The following DEPDC5 variants were observed in gnomAD, a reference collection of about 807,000 sequenced individuals.
DEPDC5 encodes the protein GATOR1 complex protein DEPDC5.
Under a neutral mutation model 217.3 loss-of-function variants are expected in DEPDC5, and 73 were observed. The ratio of observed to expected loss-of-function variants is 0.34; its 90% confidence interval spans 0.28 to 0.41. The LOEUF (loss-of-function observed/expected upper bound fraction) is 0.41, where lower values mean the gene tolerates loss of function less well. Among genes scored for constraint, DEPDC5 ranks in the 10% least tolerant of loss-of-function variants. The pLI is 1.00. For synonymous variants in DEPDC5, 733 were observed against 756.7 expected (o/e 0.97, Z 0.51); for missense variants, 1,675 against 2,070.1 (o/e 0.81, Z 3.70).
chr22:31,832,821 C>T (rs1377608237), intron 24 of DEPDC5, among the ~76,000 whole-genome samples: 1 of 152,122 alleles, frequency 6.6e-6, no homozygotes, highest in African/African-American at 2.4e-5. Context: ...GATGCAAGTC[C>T]TTTGCCAGGT....
At chr22:31,826,444 C>T in intron 24 of DEPDC5, 2 of 424,284 alleles carry the variant, frequency 4.7e-6, no homozygotes, top group Non-Finnish European at 9.4e-6. Flanking sequence ...TCTTGTGCTC[C>T]TCAAAAGAAC....
intron 4 of DEPDC5, among the ~76,000 whole-genome samples, chr22:31,761,553 C>T (rs2082388019): frequency 6.6e-6 from 1 of 151,272 alleles, no homozygotes; most frequent in African/African-American, 2.4e-5. Flanking sequence ...GTCCTAGCTA[C>T]TCTGGAGGCT....
Position 31,810,483 on chromosome 22 carries a change from T to C in DEPDC5, c.1325-38T>C, listed in dbSNP as rs1246781373. The C allele has an allele frequency of 3.1e-6, 5 of 1,612,028 alleles. No homozygotes were observed. In the South Asian group the frequency reaches 4.4e-5, roughly 14 times the overall value. The stretch of plus-strand genomic sequence containing the variant: ...TCAGCTCTCAGGCATGTGTTTGAAA[T>C]GTATTTGATGACAATTTATATTATT... On this transcript the variant is annotated intron_variant, in intron 19 of 42. Transcript: ENST00000651528.
chr22:31,895,496 A>G (rs1289838561), intron 39 of DEPDC5, among the ~76,000 whole-genome samples: 1 of 152,178 alleles, frequency 6.6e-6, no homozygotes, highest in Non-Finnish European at 1.5e-5. Flanking sequence ...AACCATCTTT[A>G]TAGTGTGCCA....
At chr22:31,780,463 G>T (rs1405158567) in intron 8 of DEPDC5, among the ~76,000 whole-genome samples, 1 of 152,146 alleles carries the variant, frequency 6.6e-6, no homozygotes, top group Non-Finnish European at 1.5e-5. Flanking sequence ...TGGAGTTCTC[G>T]TAATCACTTC....
chr22:31,819,163 C>T lies in DEPDC5; in HGVS notation c.1808C>T (p.Pro603Leu). 1 of 1,614,184 alleles carries T rather than the reference C, an allele frequency of 6.2e-7. No individual in the cohort carries two copies. The highest frequency in any genetic ancestry group is 8.5e-7 in the Non-Finnish European group (1 of 1,180,032). ...PQRALINPFA[P>L]SRMPMKLTSN... is the part of the protein sequence containing the mutation. ...AGAGCACTGATTAACCCCTTCGCTC[C>T]CTCTCGGATGCCCATGAAGCTTACG... Residue 603 changes from proline to leucine, a missense_variant, in exon 22 of 43, where the codon CCC (proline) becomes CTC (leucine). Physicochemically the swap from Pro to Leu is moderately conservative, Grantham distance 98 (BLOSUM62 -3). Around this residue, in one of 11 missense-constraint regions of DEPDC5, gnomAD observed 628 missense variants for 762.1 expected, o/e 0.82. Coordinates refer to ENST00000651528, the MANE Select transcript of DEPDC5 (RefSeq NM_001242896.3).
chr22:31,876,892 C>T (rs2093006800), intron 37 of DEPDC5, among the ~76,000 whole-genome samples: 2 of 152,176 alleles, frequency 1.3e-5, no homozygotes, highest in African/African-American at 2.4e-5. Flanking sequence ...CTGGCTCATA[C>T]CTGTAATCCC....
chr22:31,782,347 G>A (rs2084538675), intron 8 of DEPDC5, among the ~76,000 whole-genome samples: 1 of 151,990 alleles, frequency 6.6e-6, no homozygotes. Flanking sequence ...ATGTTGGCCA[G>A]GCTGGTCTCC....
Position 31,887,419 on chromosome 22 carries a change from C to CAAAAAAA in DEPDC5, c.4034-6149_4034-6143dup, listed in dbSNP as rs567430576. On this transcript the variant is annotated intron_variant, in intron 38 of 42. Transcript: ENST00000651528. ...GGGCAACAAAAGCGAAACTCTGTCT[C>CAAAAAAA]AAAAAAAAAAAAAAAAAAAAGAGAA... 1.9e-3 allele frequency among the ~76,000 whole-genome samples: 127 copies of CAAAAAAA among 65,616 alleles called. 1 individual carries two copies. The highest frequency in any genetic ancestry group is 0.014 in the East Asian group (29 of 2,066). 43.0% of individuals were successfully genotyped at this position (65,616 alleles called of 152,430 possible). A position where few individuals can be genotyped will look rare whatever the true frequency, so the allele number is the denominator to read the frequency against.
chr22:31,778,863 C>T (rs561975269), intron 8 of DEPDC5, among the ~76,000 whole-genome samples: 2 of 152,256 alleles, frequency 1.3e-5, no homozygotes, highest in South Asian at 2.1e-4. Context: ...TGATTTTGCT[C>T]CCTTCAGGGG....
rs1349373072 is a variant in DEPDC5 at position 31,845,149 on chromosome 22, A to G, written c.2933A>G (p.Asp978Gly). 2 of 1,614,158 alleles carry G rather than the reference A, an allele frequency of 1.2e-6. No homozygotes were observed. Among genetic ancestry groups the G allele is most frequent in the Middle Eastern group, 1.6e-4 (1 of 6,062 alleles). The part of the protein sequence containing the change: ...IYGDRPRADE[D>G]EWQLLDGFVR... ...GGGGACAGGCCCCGTGCAGACGAGG[A>G]CGAGTGGCAACTCCTGGATGGTTTT... The change falls in exon 30 of 43, where the codon GAC becomes GGC. Residue 978 changes from aspartate (D) to glycine (G), a missense_variant. Around this residue, in one of 11 missense-constraint regions of DEPDC5, gnomAD observed 293 missense variants for 386.1 expected, o/e 0.76. Transcript: ENST00000651528.
Position 31,758,553 on chromosome 22 carries a change from G to A in DEPDC5, c.66G>A (p.Glu22=), listed in dbSNP as rs749841723. The A allele has an allele frequency of 1.9e-6, 3 of 1,613,962 alleles. No individual in the cohort carries two copies. The highest frequency in any genetic ancestry group is 1.3e-5 in the African/African-American group (1 of 74,900). The change falls in exon 3 of 43, where the codon GAG becomes GAA. Residue 22 remains glutamate, a synonymous_variant. Transcript: ENST00000651528. ...GGCTGAATTGTCTTTCAGATGATGAGCTAGTTGTGAACCCCAAAGTGTTCC... is the reference window on the plus strand; with the variant it reads ...GGCTGAATTGTCTTTCAGATGATGAACTAGTTGTGAACCCCAAAGTGTTCC... The part of the protein sequence containing the change: ...HKKGFGGSDD[E]LVVNPKVFPH...
chr22:31,765,062 T>C lies in DEPDC5; in HGVS notation c.279+2T>C. On this transcript the variant is annotated splice_donor_variant, in intron 5 of 42. Coordinates refer to ENST00000651528, the MANE Select transcript of DEPDC5 (RefSeq NM_001242896.3). LOFTEE classifies it high-confidence loss of function. ...TATGTTAATGTCGTAGACCCTAAGG[T>C]ATGTCTTTGTTTTGTACTTGAATAT... is the stretch of plus-strand genomic sequence containing the variant. 1 of 1,611,812 alleles carries C rather than the reference T, an allele frequency of 6.2e-7. No individual in the cohort carries two copies. Among genetic ancestry groups the C allele is most frequent in the South Asian group, 1.1e-5 (1 of 90,946 alleles).
rs527577636 is a variant in DEPDC5, at chr22:31,795,540, C to T, written c.768-2060C>T. 2.0e-5 allele frequency among the ~76,000 whole-genome samples: 3 copies of T among 150,198 alleles called. No homozygotes were observed. In the South Asian group the frequency reaches 6.3e-4, roughly 32 times the overall value. On this transcript the variant is annotated intron_variant, in intron 12 of 42. Coordinates refer to ENST00000651528, the MANE Select transcript of DEPDC5 (RefSeq NM_001242896.3). ...TCCTGAGTAGCTGGTGTGACAGGCA[C>T]CCGCCACCATGCCTGGTTAATTTTT...
chr22:31,763,231 C>T (rs538634915), intron 4 of DEPDC5, among the ~76,000 whole-genome samples: 6 of 152,136 alleles, frequency 3.9e-5, no homozygotes, highest in African/African-American at 1.2e-4. Context: ...CCTCGTGATC[C>T]GCCCTCCTCG....
At chr22:31,837,373 G>GC (rs2148956125) in intron 26 of DEPDC5, 1 of 590,644 alleles carries the variant, frequency 1.7e-6, no homozygotes, top group East Asian at 2.9e-5. Flanking sequence ...TTAACTGAGA[G>GC]AGGGTCTCAC....
chr22:31,873,095 TA>T (rs2092895512), intron 34 of DEPDC5, 159 bp from the exon 35 acceptor site: 1 of 1,413,680 alleles, frequency 7.1e-7, no homozygotes, highest in East Asian at 2.7e-5. Flanking sequence ...CCCTATGAGA[TA>T]ACCCCCTGAT....
In DEPDC5 at chr22:31,792,014, G is replaced by T. The variant is rs1423108762; in HGVS notation, c.625-19G>T. ...AAATGAAACAAACTTCAACCCTGTT[G>T]TTCTCTACTCATGCTTAGGAGAAGA... On this transcript the variant is annotated intron_variant, in intron 10 of 42. Coordinates refer to ENST00000651528, the MANE Select transcript of DEPDC5 (RefSeq NM_001242896.3). 3.3e-6 allele frequency: 5 copies of T among 1,530,850 alleles called. No homozygotes were observed. The highest frequency in any genetic ancestry group is 1.8e-6 in the Non-Finnish European group (2 of 1,122,122). 94.8% of individuals were successfully genotyped at this position (1,530,850 alleles called of 1,614,324 possible). A position where few individuals can be genotyped will look rare whatever the true frequency, so the allele number is the denominator to read the frequency against.
chr22:31,802,980 G>T (rs1223047982), intron 15 of DEPDC5, 142 bp downstream of exon 15: 1 of 1,153,968 alleles, frequency 8.7e-7, no homozygotes, highest in East Asian at 2.9e-5. Flanking sequence ...ATGTCAATAG[G>T]TGTCAGGTGC....
Sources: allele counts gnomAD v4.1 joint callset (sites outside exome capture counted in the v4.1 genomes callset), GRCh38; gene constraint gnomAD v4.1.1; regional missense constraint gnomAD v4.1.1; transcripts MANE v1.5; gene names NCBI Gene and HGNC (gene_info 2026-07-23, HGNC 2026-07-21).